The following TBC1D1 variants were observed in gnomAD, a reference collection of about 807,000 sequenced individuals.
TBC1D1 encodes TBC1 domain family member 1.
A neutral mutation model predicts 125.6 loss-of-function variants in TBC1D1; 89 were observed. The observed-to-expected ratio is 0.71, with a 90% confidence interval of 0.60 to 0.85. The LOEUF (loss-of-function observed/expected upper bound fraction) is 0.85, where lower values mean the gene tolerates loss of function less well. Ranked by LOEUF, TBC1D1 falls within the 40% of genes least tolerant of loss-of-function variation. TBC1D1 has a pLI of 0.00. For missense variants in TBC1D1, 1,377 were observed against 1,469.2 expected (o/e 0.94, Z 1.03); for synonymous variants, 565 against 564.1 (o/e 1.00, Z -0.02).
chr4:37,943,748 CA>C (rs1726063881), intron 2 of TBC1D1, among the ~76,000 whole-genome samples: 1 of 152,104 alleles, frequency 6.6e-6, no homozygotes, highest in Admixed American at 6.5e-5. Context: ...AATCTTTTTT[CA>C]AGGTTTTTAG....
intron 2 of TBC1D1, chr4:38,006,672 G>GCAC (rs1553916813): frequency 3.8e-6 from 1 of 262,728 alleles, no homozygotes; most frequent in Non-Finnish European, 7.5e-6. Context: ...GTAGAGATGG[G>GCAC]GTTTCACCAT....
intron 16 of TBC1D1, among the ~76,000 whole-genome samples, chr4:38,116,472 C>A (rs1763002302): frequency 6.6e-6 from 1 of 152,190 alleles, no homozygotes; most frequent in Non-Finnish European, 1.5e-5. Flanking sequence ...TGGCTGATTT[C>A]TTTTGCACAA....
chr4:38,043,864 T>C (rs1748896398), intron 8 of TBC1D1, among the ~76,000 whole-genome samples: 1 of 152,204 alleles, frequency 6.6e-6, no homozygotes, highest in South Asian at 2.1e-4. Flanking sequence ...TTGTCTCACC[T>C]TCTGAAATGC....
At chr4:37,908,799 A>T (rs948747632) in intron 2 of TBC1D1, among the ~76,000 whole-genome samples, 2 of 152,144 alleles carry the variant, frequency 1.3e-5, no homozygotes, top group Non-Finnish European at 2.9e-5. Flanking sequence ...TTTGAGGGGG[A>T]ACAGTGCGAT....
At chr4:37,969,016 T>C (rs1731564361) in intron 2 of TBC1D1, among the ~76,000 whole-genome samples, 1 of 152,228 alleles carries the variant, frequency 6.6e-6, no homozygotes, top group Non-Finnish European at 1.5e-5. Flanking sequence ...ACAGTCTTGC[T>C]GTTAGACACA....
At chr4:38,052,194 T>TGTGTGC (rs755025486) in intron 11 of TBC1D1, 134 bp downstream of exon 12, 13,754 of 578,412 alleles carry the variant, frequency 0.024, 83 homozygotes, top group African/African-American at 0.032. Context: ...TGTGTGTGTG[T>TGTGTGC]GCGCGCGCGT....
rs1213584504 is a variant in TBC1D1, at chr4:38,058,853, TA to T, written c.2050+4525del. 3.9e-3 allele frequency among the ~76,000 whole-genome samples: 576 copies of T among 149,186 alleles called. 5 individuals are homozygous for T. Among genetic ancestry groups the T allele is most frequent in the African/African-American group, 0.013 (522 of 40,742 alleles). On this transcript the variant is annotated intron_variant, in intron 12 of 19. Coordinates refer to ENST00000261439, the MANE Select transcript of TBC1D1 (RefSeq NM_015173.4). ...GAGATTCTAATTTTTATAGGTGGGC[TA>T]AAAAAAAAATCTGGAGAGAAGGGTG...
chr4:37,911,596 A>C (rs981650311), intron 2 of TBC1D1, among the ~76,000 whole-genome samples: 1 of 152,148 alleles, frequency 6.6e-6, no homozygotes, highest in Admixed American at 6.5e-5. Context: ...CTGACCATGC[A>C]TTGGAAGTTG....
At chr4:37,908,467 A>G (rs544459437) in intron 2 of TBC1D1, among the ~76,000 whole-genome samples, 1 of 152,208 alleles carries the variant, frequency 6.6e-6, no homozygotes, top group African/African-American at 2.4e-5. Flanking sequence ...CCACCTCCCA[A>G]AATGTTGGGA....
chr4:38,020,691 C>T lies in TBC1D1; in HGVS notation c.1073C>T (p.Ala358Val). ...TACGTGTTTCAGTGCACAAATGAGG[C>T]TCTGGTGAGAGAGGACAAGCAATTC... The change falls in exon 5 of 20, where the codon GCT becomes GTT. Residue 358 changes from alanine to valine, a missense_variant. By Grantham distance (64) the Ala-to-Val change is moderately conservative (BLOSUM62 0). This residue lies in a region of TBC1D1 where 822 missense variants were observed against 824.6 expected (regional missense o/e 1.00). Coordinates refer to ENST00000261439, the MANE Select transcript of TBC1D1 (RefSeq NM_015173.4). 6.2e-7 allele frequency: 1 copy of T among 1,611,470 alleles called. No homozygotes were observed. The highest frequency in any genetic ancestry group is 8.5e-7 in the Non-Finnish European group (1 of 1,178,312).
chr4:37,997,997 C>A (rs1441336416), intron 2 of TBC1D1, among the ~76,000 whole-genome samples: 1 of 152,000 alleles, frequency 6.6e-6, no homozygotes, highest in Non-Finnish European at 1.5e-5. Flanking sequence ...TTTTTTTGGT[C>A]ACAGTGGTTC....
intron 2 of TBC1D1, among the ~76,000 whole-genome samples, chr4:38,005,618 C>G (rs1468005018): frequency 6.6e-6 from 1 of 152,192 alleles, no homozygotes; most frequent in East Asian, 1.9e-4. Flanking sequence ...TTTCTTTTCT[C>G]CTTAGTTCCT....
chr4:38,119,651 T>C (rs1401027411), intron 17 of TBC1D1, among the ~76,000 whole-genome samples: 1 of 152,238 alleles, frequency 6.6e-6, no homozygotes, highest in Non-Finnish European at 1.5e-5. Context: ...TTGACTTCTC[T>C]AACACTGGAA....
At chr4:37,978,297 AC>A (rs1213357740) in intron 2 of TBC1D1, among the ~76,000 whole-genome samples, 7 of 151,624 alleles carry the variant, frequency 4.6e-5, no homozygotes, top group African/African-American at 1.7e-4. Context: ...AAAGGATGCG[AC>A]CCTCGCCACC....
chr4:37,961,898 T>C (rs977437688), intron 2 of TBC1D1, among the ~76,000 whole-genome samples: 3 of 152,272 alleles, frequency 2.0e-5, no homozygotes, highest in Non-Finnish European at 2.9e-5. Context: ...TAGGCTGTCA[T>C]ACTGGTCCTT....
intron 2 of TBC1D1, among the ~76,000 whole-genome samples, chr4:37,924,009 C>T (rs1367085719): frequency 6.6e-6 from 1 of 152,138 alleles, no homozygotes; most frequent in Admixed American, 6.5e-5. Context: ...TCATTTGGCT[C>T]CTGTGTCTTG....
chr4:37,953,807 A>G (rs1728369543), intron 2 of TBC1D1, among the ~76,000 whole-genome samples: 1 of 152,216 alleles, frequency 6.6e-6, no homozygotes, highest in Non-Finnish European at 1.5e-5. Context: ...CAGGGACAGC[A>G]GAAAATAAGG....
At chr4:38,132,074 A>G (rs1033379513) in intron 18 of TBC1D1, among the ~76,000 whole-genome samples, 14 of 152,346 alleles carry the variant, frequency 9.2e-5, no homozygotes, top group Non-Finnish European at 1.5e-4. Flanking sequence ...AAGTAGTTTT[A>G]CACTGATTTT....
At chr4:38,005,349 A>G (rs1474450616) in intron 2 of TBC1D1, among the ~76,000 whole-genome samples, 1 of 152,230 alleles carries the variant, frequency 6.6e-6, no homozygotes, top group Non-Finnish European at 1.5e-5. Context: ...GTGAGATCGT[A>G]AGGTGCTGGC....
Sources: gnomAD v4.1 joint callset for allele counts (sites outside exome capture counted in the v4.1 genomes callset) on GRCh38, gnomAD v4.1.1 for gene constraint, gnomAD v4.1.1 regional missense constraint, MANE v1.5 for transcripts, NCBI Gene and HGNC (gene_info 2026-07-23, HGNC 2026-07-21) for gene names.